The following VKORC1L1 variants were observed in gnomAD, a reference collection of about 807,000 sequenced individuals.
VKORC1L1 encodes the protein vitamin K epoxide reductase complex subunit 1-like protein 1.
In VKORC1L1, 2 loss-of-function variants were observed where a neutral mutation model predicts 18.9. The observed-to-expected ratio is 0.11, with a 90% CI of 0.04 to 0.33. The LOEUF (loss-of-function observed/expected upper bound fraction) is 0.33. VKORC1L1 is among the 10% of genes least tolerant of loss of function. VKORC1L1 has a pLI of 1.00. For synonymous variants in VKORC1L1, 96 were observed against 100.0 expected, an observed-to-expected ratio of 0.96 and a Z score of 0.24; for missense variants, 123 against 224.1, an observed-to-expected ratio of 0.55 and a Z score of 2.88.
intron 1 of VKORC1L1, among the ~76,000 whole-genome samples, chr7:65,938,690 T>C (rs929036861): frequency 6.6e-6 from 1 of 152,218 alleles, no homozygotes; most frequent in Admixed American, 6.5e-5. Flanking sequence ...GAGGGATTTG[T>C]GGCCTTCAGT....
chr7:65,900,437 C>T (rs1000357621), intron 1 of VKORC1L1, among the ~76,000 whole-genome samples: 15 of 151,414 alleles, frequency 9.9e-5, no homozygotes, highest in Non-Finnish European at 1.3e-4. Flanking sequence ...ATGTTACACA[C>T]AAAACAGATC....
intron 1 of VKORC1L1, among the ~76,000 whole-genome samples, chr7:65,903,746 C>CA (rs1789358088): frequency 1.4e-5 from 2 of 141,840 alleles, no homozygotes; most frequent in Non-Finnish European, 3.0e-5. Context: ...TGCACTTTAG[C>CA]CTGGGTGATA....
At chr7:65,910,701 T>A (rs1789488592) in intron 1 of VKORC1L1, among the ~76,000 whole-genome samples, 1 of 152,158 alleles carries the variant, frequency 6.6e-6, no homozygotes. Context: ...ATTGGTCTTC[T>A]GTATCATTAG....
intron 1 of VKORC1L1, among the ~76,000 whole-genome samples, chr7:65,887,400 G>A (rs1480287265): frequency 6.6e-6 from 1 of 151,918 alleles, no homozygotes; most frequent in Admixed American, 6.6e-5. Flanking sequence ...TATTAAATGA[G>A]TTTTTCAAAA....
chr7:65,921,071 T>G (rs550178409), intron 1 of VKORC1L1, among the ~76,000 whole-genome samples: 4 of 151,952 alleles, frequency 2.6e-5, no homozygotes, highest in South Asian at 2.1e-4. Flanking sequence ...TTGGGGGGGG[T>G]TTAACTGGCT....
intron 1 of VKORC1L1, among the ~76,000 whole-genome samples, chr7:65,877,339 T>TG (rs1788846640): frequency 6.6e-6 from 1 of 152,002 alleles, no homozygotes; most frequent in Non-Finnish European, 1.5e-5. Flanking sequence ...GAGAAACTAA[T>TG]GCAGAATATT....
intron 1 of VKORC1L1, among the ~76,000 whole-genome samples, chr7:65,887,359 C>T (rs1789033614): frequency 6.6e-6 from 1 of 151,904 alleles, no homozygotes; most frequent in Non-Finnish European, 1.5e-5. Flanking sequence ...ATGTACATTG[C>T]TGTATATTAA....
chr7:65,869,080 C>T (rs148505997), upstream of VKORC1L1, among the ~76,000 whole-genome samples: 637 of 152,070 alleles, frequency 4.2e-3, 33 homozygotes, highest in East Asian at 0.11. Context: ...TTTGGGAGGC[C>T]GAGGCGGGCA....
chr7:65,892,358 C>T (rs1036525778), intron 1 of VKORC1L1, among the ~76,000 whole-genome samples: 5 of 152,160 alleles, frequency 3.3e-5, no homozygotes, highest in Admixed American at 1.3e-4. Flanking sequence ...TTTTGAGGAA[C>T]GTCCACATAG....
chr7:65,947,254 A>G (rs1431507168), intron 1 of VKORC1L1, among the ~76,000 whole-genome samples: 1 of 152,208 alleles, frequency 6.6e-6, no homozygotes, highest in African/African-American at 2.4e-5. Context: ...CATCATCGTT[A>G]TACAGGGGTT....
At chr7:65,902,484 T>C (rs1349681374) in intron 1 of VKORC1L1, among the ~76,000 whole-genome samples, 1 of 151,980 alleles carries the variant, frequency 6.6e-6, no homozygotes, top group Admixed American at 6.6e-5. Context: ...TGATAGAGCA[T>C]CAATGACTGT....
At chr7:65,896,931 G>A (rs1354780203) in intron 1 of VKORC1L1, among the ~76,000 whole-genome samples, 1 of 152,104 alleles carries the variant, frequency 6.6e-6, no homozygotes. Flanking sequence ...CCTGGGAGGT[G>A]GAGGTTGCAG....
chr7:65,924,743 T>C (rs7794661), intron 1 of VKORC1L1, among the ~76,000 whole-genome samples: 18,859 of 152,228 alleles, frequency 0.12, 1,319 homozygotes, highest in Middle Eastern at 0.21. Context: ...GGTGAAAATC[T>C]ATCTAGTAAT....
At chr7:65,878,806 G>C (rs1266941925) in intron 1 of VKORC1L1, among the ~76,000 whole-genome samples, 1 of 152,114 alleles carries the variant, frequency 6.6e-6, no homozygotes, top group Non-Finnish European at 1.5e-5. Flanking sequence ...CTTGAGAGGG[G>C]CTGAGGCAGG....
intron 1 of VKORC1L1, among the ~76,000 whole-genome samples, chr7:65,916,620 T>C (rs1349732542): frequency 2.6e-5 from 4 of 151,442 alleles, no homozygotes; most frequent in East Asian, 1.9e-4. Flanking sequence ...TTTTTTGAGA[T>C]GGAGTTTTGC....
chr7:65,943,505 C>T (rs1790069429), intron 1 of VKORC1L1, among the ~76,000 whole-genome samples: 1 of 152,148 alleles, frequency 6.6e-6, no homozygotes, highest in Non-Finnish European at 1.5e-5. Context: ...GAGCATCTTA[C>T]ATGTACCCAT....
chr7:65,942,491 CAAAAAAAA>C (rs764138467), intron 1 of VKORC1L1, among the ~76,000 whole-genome samples: 2 of 75,548 alleles, frequency 2.6e-5, no homozygotes, highest in East Asian at 6.7e-4. Flanking sequence ...GACTCCATCT[CAAAAAAAA>C]AAAAAAAAAA....
At position 65,895,504 on chromosome 7, in the gene VKORC1L1, T is replaced by TAC. The variant is rs1390085849; in HGVS notation, c.194+21940_194+21941insCA. ...AAATATATATATATATATATATATATATATATATATATACACACACACACA... is the reference window on the plus strand; with the variant it reads ...AAATATATATATATATATATATATATACATATATATATATACACACACACACA... On this transcript the variant is annotated intron_variant, in intron 1 of 2. Transcript: ENST00000360768. Among the ~76,000 whole-genome samples, 176 of 92,242 alleles carry TAC rather than the reference T, an allele frequency of 1.9e-3. 3 individuals are homozygous for TAC. Among genetic ancestry groups the TAC allele is most frequent in the South Asian group, 4.9e-3 (11 of 2,258 alleles). 60.5% of individuals were successfully genotyped at this position (92,242 alleles called of 152,430 possible).
At chr7:65,884,214 T>G (rs184687898) in intron 1 of VKORC1L1, among the ~76,000 whole-genome samples, 1 of 152,194 alleles carries the variant, frequency 6.6e-6, no homozygotes, top group Non-Finnish European at 1.5e-5. Context: ...ACTCATAGGA[T>G]TATTGTGACT....
Sources: allele counts gnomAD v4.1 joint callset (sites outside exome capture counted in the v4.1 genomes callset), GRCh38; gene constraint gnomAD v4.1.1; transcripts MANE v1.5; gene names NCBI Gene and HGNC (gene_info 2026-07-23, HGNC 2026-07-21).